Variants in EPS8L1 observed in about 807,000 individuals in gnomAD.
EPS8L1 encodes the protein epidermal growth factor receptor kinase substrate 8-like protein 1.
EPS8L1 carries 101 observed loss-of-function variants against 91.7 expected under a neutral mutation model. The ratio of observed to expected loss-of-function variants is 1.10; its 90% CI spans 0.94 to 1.30. The LOEUF (loss-of-function observed/expected upper bound fraction) is 1.30, where lower values mean the gene tolerates loss of function less well. EPS8L1 is among the 50% of genes most tolerant of loss of function. EPS8L1 has a pLI of 0.00. For missense variants in EPS8L1, 1,114 were observed against 1,017.0 expected, an observed-to-expected ratio of 1.10 and a Z score of -1.30; for synonymous variants, 506 against 445.3, an observed-to-expected ratio of 1.14 and a Z score of -1.72.
At chr19:55,085,267 G>A (rs1368256104) in intron 14 of EPS8L1, among the ~76,000 whole-genome samples, 2 of 152,192 alleles carry the variant, frequency 1.3e-5, no homozygotes, top group African/African-American at 4.8e-5. Flanking sequence ...CCAGGTTCAA[G>A]CAATTCTCCT....
chr19:55,079,693 C>T lies in EPS8L1; in HGVS notation c.121C>T (p.Leu41=). 1 of 1,613,662 alleles carries T rather than the reference C, an allele frequency of 6.2e-7. No homozygotes were observed. Among genetic ancestry groups the T allele is most frequent in the Non-Finnish European group, 8.5e-7 (1 of 1,179,726 alleles). ...CTTTCTCCATGGTCCGTACCAGCAC[C>T]TGGTGACGTTCTGCCTGGGTGAGGA... The part of the protein sequence containing the change: ...ADVSQYPVNH[L]VTFCLGEDDG... The change falls in exon 5 of 20, where the codon CTG becomes TTG. Residue 41 remains leucine, a synonymous_variant. Coordinates refer to ENST00000201647, the MANE Select transcript of EPS8L1 (RefSeq NM_133180.3).
chr19:55,080,276 G>C lies in EPS8L1; in HGVS notation c.427G>C (p.Gly143Arg), dbSNP rs943045718. The C allele has an allele frequency of 3.9e-6, 6 of 1,533,664 alleles. No individual in the cohort carries two copies. The highest frequency in any genetic ancestry group is 4.0e-5 in the Admixed American group (2 of 49,962). The change falls in exon 6 of 20, where the codon GGG becomes CGG. Residue 143 changes from glycine to arginine, a missense_variant and splice_region_variant. Physicochemically the swap from Gly to Arg is moderately radical, Grantham distance 125 (BLOSUM62 -2). Coordinates refer to ENST00000201647, the MANE Select transcript of EPS8L1 (RefSeq NM_133180.3). ...DVHFFQGLRL[G>R]AELIREDIQG... ...GCACTTCTTCCAGGGCCTGCGCCTC[G>C]GGGTGAGCAGATGGGCTGGCTCTGG...
chr19:55,087,080 G>C (rs1233181854), intron 18 of EPS8L1, 192 bp downstream of exon 18: 6 of 1,044,784 alleles, frequency 5.7e-6, no homozygotes, highest in Non-Finnish European at 8.0e-6. Context: ...GACTCCGACT[G>C]GATTCCTTAG....
At position 55,080,859 on chromosome 19, in the gene EPS8L1, G is replaced by A. The variant is rs1242484581; in HGVS notation, c.512+5G>A. 2 of 1,602,566 alleles carry A rather than the reference G, an allele frequency of 1.2e-6. No individual in the cohort carries two copies. The highest frequency in any genetic ancestry group is 1.3e-5 in the African/African-American group (1 of 74,714). On this transcript the variant is annotated splice_donor_5th_base_variant and intron_variant, in intron 7 of 19. Coordinates refer to ENST00000201647, the MANE Select transcript of EPS8L1 (RefSeq NM_133180.3). Reference sequence around the variant, plus strand: ...GCGCAGGGCGGCGGCGCTCAGGTGAGAGGGAAGAAGTTGGCAGGGTCTCTG... The same window carrying A: ...GCGCAGGGCGGCGGCGCTCAGGTGAAAGGGAAGAAGTTGGCAGGGTCTCTG...
In EPS8L1 at chr19:55,087,750, G is replaced by T. The variant is rs2076368534; in HGVS notation, c.*136G>T. 2 of 906,270 alleles carry T rather than the reference G, an allele frequency of 2.2e-6. No individual in the cohort carries two copies. The highest frequency in any genetic ancestry group is 3.5e-6 in the Non-Finnish European group (2 of 573,990). 56.1% of individuals were successfully genotyped at this position (906,270 alleles called of 1,614,324 possible). A position where few individuals can be genotyped will look rare whatever the true frequency, so the allele number is the denominator to read the frequency against. ...GCCCTGGTCTTCCCCCATCCCGGTGGACAGACTTAACGATCCTTGCTGCAG... is the reference window on the plus strand; with the variant it reads ...GCCCTGGTCTTCCCCCATCCCGGTGTACAGACTTAACGATCCTTGCTGCAG... On this transcript the variant is annotated 3_prime_UTR_variant, in exon 20 of 20. Coordinates refer to ENST00000201647, the MANE Select transcript of EPS8L1 (RefSeq NM_133180.3).
chr19:55,079,919 T>A, intron 5 of EPS8L1, 68 bp downstream of exon 5: 1 of 1,513,970 alleles, frequency 6.6e-7, no homozygotes. Flanking sequence ...GGTGTGAATC[T>A]TGGCTCCTGC....
Position 55,081,828 on chromosome 19 carries a change from A to G in EPS8L1, c.830A>G (p.Lys277Arg). 1.2e-6 allele frequency: 2 copies of G among 1,612,744 alleles called. No homozygotes were observed. Among genetic ancestry groups the G allele is most frequent in the Non-Finnish European group, 1.7e-6 (2 of 1,179,182 alleles). The stretch of plus-strand genomic sequence containing the variant: ...GAGAGCTTTGTATCGAGGCTGCAGA[A>G]GTCGGCGGAGGCGGCCAGGGTGCTG... The part of the protein sequence containing the change: ...DVESFVSRLQ[K>R]SAEAARVLEH... Residue 277 changes from lysine to arginine, a missense_variant, in exon 9 of 20, where the codon AAG (lysine) becomes AGG (arginine). Lys to Arg is a conservative substitution (Grantham distance 26). Coordinates refer to ENST00000201647, the MANE Select transcript of EPS8L1 (RefSeq NM_133180.3). The surrounding 1 kb of genome is among the most constrained non-coding windows in gnomAD (Gnocchi z 4.9).
rs1446996321 is a variant in EPS8L1 at position 55,087,620 on chromosome 19, C to T, written c.*6C>T. ...TGGAAATGGAGGTCATTTGACCTGC[C>T]AGGCGCCCTTCGCAAAGAGTGACGA... On this transcript the variant is annotated 3_prime_UTR_variant, in exon 20 of 20. Coordinates refer to ENST00000201647, the MANE Select transcript of EPS8L1 (RefSeq NM_133180.3). 1.2e-6 allele frequency: 2 copies of T among 1,613,824 alleles called. No homozygotes were observed. The highest frequency in any genetic ancestry group is 2.2e-5 in the East Asian group (1 of 44,872).
rs1247490553 is a variant in EPS8L1 at position 55,081,905 on chromosome 19, G to C, written c.901+6G>C. 1.8e-5 allele frequency: 29 copies of C among 1,605,642 alleles called. 1 individual carries two copies. Among genetic ancestry groups the C allele is most frequent in the Non-Finnish European group, 2.4e-5 (28 of 1,175,140 alleles). ...CCGGCGCCGGGCGGCTGGGGGTAAG[G>C]GGCACCCTGGCGTGGGATCTGAACC... is the stretch of plus-strand genomic sequence containing the variant. On this transcript the variant is annotated splice_donor_region_variant and intron_variant, in intron 9 of 19. Transcript: ENST00000201647. This position sits in a 1 kb window ranked among gnomAD's most constrained non-coding sequence, Gnocchi z 4.9.
intron 2 of EPS8L1, among the ~76,000 whole-genome samples, 196 bp from the exon 3 acceptor site, chr19:55,077,892 G>GT (rs1457678823): frequency 3.3e-5 from 5 of 149,788 alleles, no homozygotes; most frequent in Non-Finnish European, 7.4e-5. Flanking sequence ...CAGCCTACCT[G>GT]TCTTCTTAAA....
Position 55,081,432 on chromosome 19 carries a change from C to T in EPS8L1, c.714C>T (p.Ala238=). Residue 238 remains alanine, a synonymous_variant, in exon 8 of 20, where the codon GCC becomes GCT. Transcript: ENST00000201647. The surrounding 1 kb of genome is among the most constrained non-coding windows in gnomAD (Gnocchi z 4.9). ...PVGTSSNADS[A]SPDLGPRGPD... is the part of the protein sequence containing the mutation. Reference sequence around the variant, plus strand: ...GGACCTCGAGCAACGCTGACTCGGCCTCCCCGGACCTGGGTCCCCGGGGTC... The same window carrying T: ...GGACCTCGAGCAACGCTGACTCGGCTTCCCCGGACCTGGGTCCCCGGGGTC... 6.2e-7 allele frequency: 1 copy of T among 1,601,596 alleles called. No individual in the cohort carries two copies. Among genetic ancestry groups the T allele is most frequent in the Non-Finnish European group, 8.5e-7 (1 of 1,175,444 alleles).
In EPS8L1 at chr19:55,076,448, A is replaced by C. The variant is rs1272720763; in HGVS notation, c.4A>C (p.Ser2Arg). 1.2e-6 allele frequency: 2 copies of C among 1,612,258 alleles called. No individual in the cohort carries two copies. Among genetic ancestry groups the C allele is most frequent in the Non-Finnish European group, 1.7e-6 (2 of 1,179,244 alleles). The change falls in exon 2 of 20, where the codon AGC (serine) becomes CGC (arginine). Residue 2 changes from serine (S) to arginine (R), a missense_variant. By Grantham distance (110) the Ser-to-Arg change is moderately radical. Transcript: ENST00000201647. ...GCAGGAGCTACCACTCAGCACCATG[A>C]GCACCGCCACAGGGTAAGCGCCCCC... is the stretch of plus-strand genomic sequence containing the variant. Reference protein sequence around the residue: MSTATGPEAAPK... With the variant: MRTATGPEAAPK...
chr19:55,080,706 G>A (rs946341050), intron 6 of EPS8L1, 66 bp from the exon 7 acceptor site: 11 of 1,584,510 alleles, frequency 6.9e-6, no homozygotes, highest in Non-Finnish European at 8.6e-6. Context: ...AAATCGGCCA[G>A]GGGCGAGGCC....
intron 2 of EPS8L1, 116 bp downstream of exon 2, chr19:55,076,577 C>A: frequency 7.9e-7 from 1 of 1,266,428 alleles, no homozygotes; most frequent in East Asian, 2.5e-5. Flanking sequence ...AGACTCTGGC[C>A]CAAGCCCCGA....
intron 5 of EPS8L1, 28 bp downstream of exon 5, chr19:55,079,879 G>A (rs1258971713): frequency 3.1e-6 from 5 of 1,592,630 alleles, no homozygotes; most frequent in Non-Finnish European, 3.4e-6. Flanking sequence ...GGTGGGAGGA[G>A]TGTCTGGGGC....
intron 2 of EPS8L1, 22 bp downstream of exon 2, chr19:55,076,483 G>T: frequency 1.9e-6 from 3 of 1,610,550 alleles, no homozygotes; most frequent in Non-Finnish European, 2.5e-6. Flanking sequence ...CGGACCCCAG[G>T]TCCCAGCCCC....
rs191376597 is a variant in EPS8L1, at chr19:55,087,522, C to G, written c.2086-6C>G. 1.3e-5 allele frequency: 21 copies of G among 1,614,158 alleles called. No homozygotes were observed. The highest frequency in any genetic ancestry group is 1.8e-5 in the Non-Finnish European group (21 of 1,180,028). On this transcript the variant is annotated splice_region_variant and splice_polypyrimidine_tract_variant and intron_variant, in intron 19 of 19. Coordinates refer to ENST00000201647, the MANE Select transcript of EPS8L1 (RefSeq NM_133180.3). ...AGGACAAAGCGATTTCCACCCCGCC[C>G]TCCAGGACAAAGAGAAAGTGTCAGA...
intron 14 of EPS8L1, chr19:55,084,271 C>T (rs555884379): frequency 4.1e-4 from 66 of 159,706 alleles, no homozygotes; most frequent in South Asian, 3.3e-3. Context: ...TGCTGGGTGT[C>T]GGACTGGGTT....
rs931513086 is a variant in EPS8L1, at chr19:55,081,688, G to A, written c.775-85G>A. ...TTGGGGCGTGGCCTGATCTGGGGAA[G>A]TGTATAGGTGCTCAGGTTCAGGGCT... is the stretch of plus-strand genomic sequence containing the variant. On this transcript the variant is annotated intron_variant, in intron 8 of 19. Transcript: ENST00000201647. The surrounding 1 kb of genome is among the most constrained non-coding windows in gnomAD (Gnocchi z 4.9). 2.0e-6 allele frequency: 3 copies of A among 1,527,216 alleles called. No homozygotes were observed. 94.6% of individuals were successfully genotyped at this position (1,527,216 alleles called of 1,614,324 possible). A position where few individuals can be genotyped will look rare whatever the true frequency, so the allele number is the denominator to read the frequency against.
Sources: gnomAD v4.1 joint callset for allele counts (sites outside exome capture counted in the v4.1 genomes callset) on GRCh38, gnomAD v4.1.1 for gene constraint, Gnocchi (gnomAD v3.1) non-coding constraint, MANE v1.5 for transcripts, NCBI Gene and HGNC (gene_info 2026-07-23, HGNC 2026-07-21) for gene names.